Variants in SPPL2B observed in about 807,000 individuals in gnomAD.
SPPL2B encodes the protein signal peptide peptidase like 2B, also known as signal peptide peptidase-like 2B.
A neutral mutation model predicts 59.7 loss-of-function variants in SPPL2B; 39 were observed. That is an observed-to-expected ratio of 0.65 (90% CI 0.51 to 0.85). The LOEUF (loss-of-function observed/expected upper bound fraction) is 0.85. Among genes scored for constraint, SPPL2B ranks in the 40% least tolerant of loss-of-function variants. SPPL2B has a pLI of 0.00. For missense variants in SPPL2B, 865 were observed against 849.0 expected, an observed-to-expected ratio of 1.02 and a Z score of -0.23; for synonymous variants, 419 against 370.8, an observed-to-expected ratio of 1.13 and a Z score of -1.49.
At chr19:2,352,100 G>A (rs1053359052) in intron 14 of SPPL2B, among the ~76,000 whole-genome samples, 3 of 152,184 alleles carry the variant, frequency 2.0e-5, no homozygotes, top group Non-Finnish European at 2.9e-5. Flanking sequence ...GGGGTGGTTG[G>A]CAAGGGTTAA....
In SPPL2B at chr19:2,344,639, C is replaced by T. The variant is rs28602188; in HGVS notation, c.1263C>T (p.Asp421=). ...DRPFSLLGFG[D]ILVPGLLVAY... ...CCTTCTCCCTCCTGGGTTTCGGAGA[C>T]ATTTTGGTGCCAGGTACTGAGGCGG... Residue 421 remains aspartate (D), a synonymous_variant, in exon 12 of 15, where the codon GAC becomes GAT. Coordinates refer to ENST00000613503, the MANE Select transcript of SPPL2B (RefSeq NM_152988.3). 0.013 allele frequency: 20,414 copies of T among 1,610,302 alleles called. 2,159 individuals carry two copies. In the African/African-American group the frequency reaches 0.23, roughly 18 times the overall value.
In SPPL2B at chr19:2,353,141, C is replaced by A; in HGVS notation, c.1711C>A (p.Pro571Thr). ...AGAPMREPGS[P>T]AESEGRDQAQ... ...AGCCCCCATGCGGGAGCCTGGGAGC[C>A]CAGCTGAATCCGAGGGCCGGGACCA... The change falls in exon 15 of 15, where the codon CCA becomes ACA. Residue 571 changes from proline to threonine, a missense_variant. By Grantham distance (38) the Pro-to-Thr change is conservative (BLOSUM62 -1). Coordinates refer to ENST00000613503, the MANE Select transcript of SPPL2B (RefSeq NM_152988.3). 6.2e-7 allele frequency: 1 copy of A among 1,610,718 alleles called. No individual in the cohort carries two copies. The highest frequency in any genetic ancestry group is 8.5e-7 in the Non-Finnish European group (1 of 1,179,296).
rs749256598 is a variant in SPPL2B, at chr19:2,334,598, G to A, written c.67-4G>A. Reference sequence around the variant, plus strand: ...TGGCTCTGACTGCTGGCCTTGTCCTGCAGGTGGCCTGTGAGTACGGCATGG... The same window carrying A: ...TGGCTCTGACTGCTGGCCTTGTCCTACAGGTGGCCTGTGAGTACGGCATGG... On this transcript the variant is annotated splice_polypyrimidine_tract_variant and splice_region_variant and intron_variant, in intron 1 of 14. Transcript: ENST00000613503. 6.2e-7 allele frequency: 1 copy of A among 1,608,282 alleles called. No individual in the cohort carries two copies. The highest frequency in any genetic ancestry group is 8.5e-7 in the Non-Finnish European group (1 of 1,177,672).
chr19:2,346,210 A>G (rs1969360123), intron 13 of SPPL2B, among the ~76,000 whole-genome samples: 1 of 152,194 alleles, frequency 6.6e-6, no homozygotes, highest in African/African-American at 2.4e-5. Flanking sequence ...TCCTCTGCCG[A>G]GCCACGCCCC....
intron 1 of SPPL2B, among the ~76,000 whole-genome samples, chr19:2,329,060 T>C (rs1215794057): frequency 6.6e-6 from 1 of 152,238 alleles, no homozygotes; most frequent in African/African-American, 2.4e-5. Flanking sequence ...CCGGTTCTGC[T>C]TCTCCGTTTC....
intron 8 of SPPL2B, 144 bp downstream of exon 8, chr19:2,341,158 C>G (rs904837486): frequency 2.1e-5 from 15 of 720,154 alleles, no homozygotes; most frequent in African/African-American, 1.9e-4. Flanking sequence ...GCCCTGGCCC[C>G]GGGCTGCTCT....
At chr19:2,340,275 C>G in intron 7 of SPPL2B, 103 bp downstream of exon 7, 1 of 921,662 alleles carries the variant, frequency 1.1e-6, no homozygotes. Context: ...TGCTCAGAGT[C>G]TACAGCAGGC....
At chr19:2,330,345 C>CCT (rs1968218504) in intron 1 of SPPL2B, 1 of 150,464 alleles carries the variant, frequency 6.6e-6, no homozygotes, top group East Asian at 1.9e-4. Flanking sequence ...GAACTTCAGA[C>CCT]CTCAGGTGAT....
chr19:2,332,048 G>A lies in SPPL2B; in HGVS notation c.67-2554G>A, dbSNP rs555356244. 3.0e-4 allele frequency among the ~76,000 whole-genome samples: 45 copies of A among 152,356 alleles called. No homozygotes were observed. The highest frequency in any genetic ancestry group is 1.0e-3 in the African/African-American group (43 of 41,580). ...GGGCCAGACTAAGGGGTGCTCTCAC[G>A]GGCAGGCAGTCTGGTGGGCAGAACT... is the stretch of plus-strand genomic sequence containing the variant. On this transcript the variant is annotated intron_variant, in intron 1 of 14. Coordinates refer to ENST00000613503, the MANE Select transcript of SPPL2B (RefSeq NM_152988.3). The surrounding 1 kb of genome is among the most constrained non-coding windows in gnomAD (Gnocchi z 4.6).
chr19:2,337,266 G>A, intron 2 of SPPL2B, 177 bp from the exon 3 acceptor site: 2 of 550,234 alleles, frequency 3.6e-6, no homozygotes, highest in Non-Finnish European at 3.1e-6. Context: ...CGTCGCCCAG[G>A]GTCCGGCTGT....
chr19:2,337,230 C>G (rs1013375932), intron 2 of SPPL2B: 1 of 486,670 alleles, frequency 2.1e-6, no homozygotes, highest in African/African-American at 2.0e-5. Context: ...AGGACTCCGG[C>G]CCCGCTCAGA....
chr19:2,351,567 C>A lies in SPPL2B; in HGVS notation c.1488C>A (p.Gly496=). Residue 496 remains glycine (G), a synonymous_variant, in exon 14 of 15, where the codon GGC becomes GGA. Transcript: ENST00000613503. ...CAVALWRREL[G]VFWTGSGFAK... The stretch of plus-strand genomic sequence containing the variant: ...TGGCGCTCTGGCGCCGGGAGCTGGG[C>A]GTGTTCTGGACGGGCAGCGGCTTTG... The A allele has an allele frequency of 6.2e-7, 1 of 1,611,166 alleles. No individual in the cohort carries two copies. Among genetic ancestry groups the A allele is most frequent in the Non-Finnish European group, 8.5e-7 (1 of 1,179,146 alleles).
At chr19:2,347,500 T>C (rs866653707) in intron 13 of SPPL2B, among the ~76,000 whole-genome samples, 22 of 10,732 alleles carry the variant, frequency 2.0e-3, no homozygotes, top group East Asian at 4.8e-3. Context: ...CACGCACTCT[T>C]ATTCGCCTGA....
chr19:2,351,541 G>T lies in SPPL2B; in HGVS notation c.1462G>T (p.Val488Leu), dbSNP rs762860771. ...CTGCACGCTGGTGACGAGCTGCGCT[G>T]TGGCGCTCTGGCGCCGGGAGCTGGG... is the stretch of plus-strand genomic sequence containing the variant. ...VPCTLVTSCA[V>L]ALWRRELGVF... Residue 488 changes from valine (V) to leucine (L), a missense_variant, in exon 14 of 15, where the codon GTG becomes TTG. By Grantham distance (32) the Val-to-Leu change is conservative (BLOSUM62 1). Coordinates refer to ENST00000613503, the MANE Select transcript of SPPL2B (RefSeq NM_152988.3). The T allele has an allele frequency of 1.2e-6, 2 of 1,611,232 alleles. No individual in the cohort carries two copies. The highest frequency in any genetic ancestry group is 1.7e-6 in the Non-Finnish European group (2 of 1,179,432).
In SPPL2B at chr19:2,340,524, G is replaced by T. The variant is rs188765352; in HGVS notation, c.839+352G>T. On this transcript the variant is annotated intron_variant, in intron 7 of 14. Transcript: ENST00000613503. ...CTGGCTCTTAGGGGTAAAGGGAGCT[G>T]CTGGGGGGTCTCCAACAAAGTCAGA... is the stretch of plus-strand genomic sequence containing the variant. 984 of 591,828 alleles carry T rather than the reference G, an allele frequency of 1.7e-3. 5 individuals carry two copies. In the African/African-American group the frequency reaches 0.017, roughly 10 times the overall value. 36.7% of individuals were successfully genotyped at this position (591,828 alleles called of 1,614,324 possible).
chr19:2,337,329 T>A lies in SPPL2B; in HGVS notation c.187-114T>A. ...TAGGTGGGCCGAGGCCGTGCGGGGC[T>A]TTAGGTGAGGGCTGGGATCTAACTC... On this transcript the variant is annotated intron_variant, in intron 2 of 14. Coordinates refer to ENST00000613503, the MANE Select transcript of SPPL2B (RefSeq NM_152988.3). The A allele has an allele frequency of 2.7e-5, 28 of 1,050,376 alleles. 1 individual carries two copies. The South Asian group carries it at 4.0e-4, about 15-fold the overall frequency. The allele number at this position is 1,050,376 out of a possible 1,614,324, so 65.1% of individuals were successfully genotyped here. A position where few individuals can be genotyped will look rare whatever the true frequency, so the allele number is the denominator to read the frequency against.
intron 8 of SPPL2B, chr19:2,341,792 C>G (rs183111665): frequency 2.7e-6 from 1 of 367,354 alleles, no homozygotes; most frequent in African/African-American, 2.1e-5. Flanking sequence ...CGCTCCGTCA[C>G]ATGAAGTTAG....
Position 2,353,066 on chromosome 19 carries a change from CCTG to C in SPPL2B, c.1640_1642del (p.Ala547del), listed in dbSNP as rs775735992. 7 of 1,612,012 alleles carry C rather than the reference CCTG, an allele frequency of 4.3e-6. No homozygotes were observed. The highest frequency in any genetic ancestry group is 5.1e-6 in the Non-Finnish European group (6 of 1,179,574). ...CGAAGAACCAGCCACATCCCCCTGG[CCTG>C]CTGAGCAGTCCCCAAAATCACGCAC... On this transcript the variant is annotated inframe_deletion, in exon 15 of 15. Coordinates refer to ENST00000613503, the MANE Select transcript of SPPL2B (RefSeq NM_152988.3).
In SPPL2B at chr19:2,337,503, G is replaced by GC; in HGVS notation, c.250dup (p.Arg84ProfsTer19). 6.2e-7 allele frequency: 1 copy of GC among 1,613,250 alleles called. No homozygotes were observed. The highest frequency in any genetic ancestry group is 8.5e-7 in the Non-Finnish European group (1 of 1,179,676). Reference sequence around the variant, plus strand: ...GCTCTGCTCCGCAGCCGACCTCCCCGCCCGTGGCTTCAGCAACCAGATCCC... The same window carrying GC: ...GCTCTGCTCCGCAGCCGACCTCCCCGCCCCGTGGCTTCAGCAACCAGATCCC... On this transcript the variant is annotated frameshift_variant, in exon 3 of 15. Transcript: ENST00000613503. LOFTEE classifies it high-confidence loss of function.
Sources: gnomAD v4.1 joint callset for allele counts (sites outside exome capture counted in the v4.1 genomes callset) on GRCh38, gnomAD v4.1.1 for gene constraint, Gnocchi (gnomAD v3.1) non-coding constraint, MANE v1.5 for transcripts, NCBI Gene and HGNC (gene_info 2026-07-23, HGNC 2026-07-21) for gene names.